ADAMTS19: variants seen among roughly 807,000 people sequenced by gnomAD.
The protein encoded by ADAMTS19 is A disintegrin and metalloproteinase with thrombospondin motifs 19.
In ADAMTS19, 93 loss-of-function variants were observed where a neutral mutation model predicts 153.3. The ratio of observed to expected loss-of-function variants is 0.61; its 90% CI spans 0.51 to 0.72. The LOEUF is 0.72. Among genes scored for constraint, ADAMTS19 ranks in the 30% least tolerant of loss-of-function variants. The pLI is 0.00. For missense variants in ADAMTS19, 1,482 were observed against 1,552.1 expected (o/e 0.95, Z 0.76); for synonymous variants, 600 against 556.6 (o/e 1.08, Z -1.10).
At chr5:129,707,405 A>G (rs1191664270) in intron 21 of ADAMTS19, among the ~76,000 whole-genome samples, 1 of 152,100 alleles carries the variant, frequency 6.6e-6, no homozygotes, top group African/African-American at 2.4e-5. Context: ...TTTTTTCCTT[A>G]AAGCCATTTC....
intron 3 of ADAMTS19, among the ~76,000 whole-genome samples, chr5:129,523,012 G>A (rs1022627439): frequency 6.7e-6 from 1 of 148,972 alleles, no homozygotes; most frequent in Admixed American, 6.7e-5. Flanking sequence ...CGGAGATCGC[G>A]ACACTGCGCT....
At chr5:129,611,281 T>C (rs922510549) in intron 8 of ADAMTS19, among the ~76,000 whole-genome samples, 1 of 152,184 alleles carries the variant, frequency 6.6e-6, no homozygotes, top group Non-Finnish European at 1.5e-5. Flanking sequence ...GTGCAGAAGC[T>C]CTTTAGTTTA....
chr5:129,720,171 T>TATATATATATATATATATATA (rs1756928515), intron 21 of ADAMTS19, among the ~76,000 whole-genome samples: 4 of 130,380 alleles, frequency 3.1e-5, no homozygotes, highest in African/African-American at 1.2e-4. Context: ...TATATATATA[T>TATATATATATATATATATATA]TTATTTTTTT....
chr5:129,544,354 T>A (rs751239167), intron 6 of ADAMTS19, among the ~76,000 whole-genome samples: 2 of 152,202 alleles, frequency 1.3e-5, no homozygotes, highest in African/African-American at 2.4e-5. Flanking sequence ...TGAAAGTAGC[T>A]GCATGATATA....
chr5:129,662,888 ATTTTTTTT>A (rs3049499), intron 15 of ADAMTS19, among the ~76,000 whole-genome samples: 1 of 92,888 alleles, frequency 1.1e-5, no homozygotes, highest in African/African-American at 4.7e-5. Context: ...ATTCTTCTTC[ATTTTTTTT>A]TTTTTTTTTT....
chr5:129,610,309 CTTT>C (rs1751140009), intron 8 of ADAMTS19, among the ~76,000 whole-genome samples: 1 of 151,996 alleles, frequency 6.6e-6, no homozygotes, highest in Non-Finnish European at 1.5e-5. Flanking sequence ...TTTTATCATA[CTTT>C]AAGTTCTAGG....
At chr5:129,623,293 A>G (rs1751868409) in intron 10 of ADAMTS19, among the ~76,000 whole-genome samples, 1 of 152,194 alleles carries the variant, frequency 6.6e-6, no homozygotes, top group African/African-American at 2.4e-5. Flanking sequence ...TAACTGATGG[A>G]AGAGTTTAAG....
intron 21 of ADAMTS19, among the ~76,000 whole-genome samples, chr5:129,714,123 GA>G (rs1024329217): frequency 4.6e-5 from 7 of 152,130 alleles, no homozygotes; most frequent in African/African-American, 1.7e-4. Context: ...GAATGGATTA[GA>G]AAAATACATA....
At chr5:129,523,725 A>G (rs1446009322) in intron 3 of ADAMTS19, among the ~76,000 whole-genome samples, 2 of 152,106 alleles carry the variant, frequency 1.3e-5, no homozygotes, top group African/African-American at 4.8e-5. Flanking sequence ...GGATCAGACT[A>G]TAGAGAATAC....
At chr5:129,645,210 T>C (rs936283114) in intron 11 of ADAMTS19, among the ~76,000 whole-genome samples, 3 of 152,186 alleles carry the variant, frequency 2.0e-5, no homozygotes, top group Non-Finnish European at 4.4e-5. Context: ...GATAAGACAA[T>C]TTTTTAGTGT....
chr5:129,684,120 G>A lies in ADAMTS19; in HGVS notation c.2665G>A (p.Val889Met). 1 of 1,613,274 alleles carries A rather than the reference G, an allele frequency of 6.2e-7. No individual in the cohort carries two copies. The highest frequency in any genetic ancestry group is 8.5e-7 in the Non-Finnish European group (1 of 1,179,706). Residue 889 changes from valine to methionine, a missense_variant and splice_region_variant, in exon 18 of 23, where the codon GTG becomes ATG. By Grantham distance (21) the Val-to-Met change is conservative. Coordinates refer to ENST00000274487, the MANE Select transcript of ADAMTS19 (RefSeq NM_133638.6). ...GPTTAPLHLL[V>M]LLFQDQNYGL... ...CCTTGATCATTTTTGTATACTATAGGTGCTCCTGTTTCAGGATCAGAATTA... is the reference window on the plus strand; with the variant it reads ...CCTTGATCATTTTTGTATACTATAGATGCTCCTGTTTCAGGATCAGAATTA...
intron 2 of ADAMTS19, among the ~76,000 whole-genome samples, chr5:129,466,026 G>A (rs889584768): frequency 3.3e-5 from 5 of 152,196 alleles, no homozygotes; most frequent in Non-Finnish European, 7.3e-5. Flanking sequence ...GAGCAGAAAC[G>A]TACCTAGAAC....
intron 21 of ADAMTS19, among the ~76,000 whole-genome samples, chr5:129,705,404 C>A (rs752321693): frequency 2.0e-5 from 3 of 152,132 alleles, no homozygotes; most frequent in Non-Finnish European, 4.4e-5. Flanking sequence ...CCAAAGCAAT[C>A]CATGGCATTT....
intron 15 of ADAMTS19, among the ~76,000 whole-genome samples, chr5:129,661,295 G>A (rs1753803818): frequency 6.6e-6 from 1 of 152,070 alleles, no homozygotes; most frequent in African/African-American, 2.4e-5. Context: ...AGCATAGTAT[G>A]CGATCCATTA....
At position 129,666,134 on chromosome 5, in the gene ADAMTS19, A is replaced by G. The variant is rs548284771; in HGVS notation, c.2506+555A>G. On this transcript the variant is annotated intron_variant, in intron 16 of 22. Transcript: ENST00000274487. ...TCACCTATGAAGAAAACATTTTTAA[A>G]TTTTTAACTATTCCTTATGAAAAGT... Among the ~76,000 whole-genome samples the G allele has an allele frequency of 2.6e-5, 4 of 151,954 alleles. No individual in the cohort carries two copies. In the East Asian group the frequency reaches 7.7e-4, roughly 29 times the overall value.
Position 129,654,335 on chromosome 5 carries a change from G to A in ADAMTS19, c.2206G>A (p.Val736Ile), listed in dbSNP as rs547725562. 9 of 1,612,164 alleles carry A rather than the reference G, an allele frequency of 5.6e-6. No individual in the cohort carries two copies. The highest frequency in any genetic ancestry group is 7.6e-6 in the Non-Finnish European group (9 of 1,179,574). The change falls in exon 14 of 23, where the codon GTT (valine) becomes ATT (isoleucine). Residue 736 changes from valine (V) to isoleucine (I), a missense_variant. Around this residue, in one of 2 missense-constraint regions of ADAMTS19, gnomAD observed 616 missense variants for 724.4 expected, o/e 0.85. Transcript: ENST00000274487. Reference protein sequence around the residue: ...EKPCALFCSPVGKEQPILLSE... With the variant: ...EKPCALFCSPIGKEQPILLSE... ...ACCATGTGCCTTGTTTTGCTCTCCTGTTGGAAAAGAACAGCCTATTCTTCT... is the reference window on the plus strand; with the variant it reads ...ACCATGTGCCTTGTTTTGCTCTCCTATTGGAAAAGAACAGCCTATTCTTCT...
intron 15 of ADAMTS19, among the ~76,000 whole-genome samples, chr5:129,659,071 TTG>T (rs1753716457): frequency 6.6e-6 from 1 of 152,206 alleles, no homozygotes; most frequent in South Asian, 2.1e-4. Flanking sequence ...AAATAATGAT[TTG>T]TAACAGCCTA....
intron 2 of ADAMTS19, among the ~76,000 whole-genome samples, chr5:129,471,494 G>T (rs547781756): frequency 2.0e-5 from 3 of 150,228 alleles, no homozygotes; most frequent in Non-Finnish European, 4.4e-5. Context: ...AAAGCAGGCA[G>T]GCAGGCAAGA....
At chr5:129,717,508 C>A (rs1272999232) in intron 21 of ADAMTS19, among the ~76,000 whole-genome samples, 1 of 152,128 alleles carries the variant, frequency 6.6e-6, no homozygotes, top group African/African-American at 2.4e-5. Context: ...GTAACTCAAA[C>A]TATTTGAAAA....
Sources: allele counts gnomAD v4.1 joint callset (sites outside exome capture counted in the v4.1 genomes callset), GRCh38; gene constraint gnomAD v4.1.1; regional missense constraint gnomAD v4.1.1; transcripts MANE v1.5; gene names NCBI Gene and HGNC (gene_info 2026-07-23, HGNC 2026-07-21).